The following USP6NL variants were observed in gnomAD, a reference collection of about 807,000 sequenced individuals.
The protein encoded by USP6NL is USP6 N-terminal like.
USP6NL carries 26 observed loss-of-function variants against 61.9 expected under a neutral mutation model. The ratio of observed to expected loss-of-function variants is 0.42; its 90% confidence interval spans 0.31 to 0.58. USP6NL has a LOEUF of 0.58. Ranked by LOEUF, USP6NL falls within the 20% of genes least tolerant of loss-of-function variation. The pLI, the probability that USP6NL is intolerant of heterozygous loss-of-function variation, is 0.16. For synonymous variants in USP6NL, 432 were observed against 390.1 expected (o/e 1.11, Z -1.27); for missense variants, 1,114 against 1,034.3 (o/e 1.08, Z -1.06).
chr10:11,544,591 A>T (rs1011877027), intron 2 of USP6NL, among the ~76,000 whole-genome samples: 1 of 151,714 alleles, frequency 6.6e-6, no homozygotes, highest in Non-Finnish European at 1.5e-5. Flanking sequence ...GGGTTCAAGC[A>T]ATTCTCCTGC....
At chr10:11,588,268 G>GTA (rs1469908841) in intron 2 of USP6NL, among the ~76,000 whole-genome samples, 6 of 152,232 alleles carry the variant, frequency 3.9e-5, no homozygotes, top group Non-Finnish European at 8.8e-5. Flanking sequence ...TACTGGAGGA[G>GTA]CAAAATGCTG....
rs1833263126 is a variant in USP6NL, at chr10:11,482,910, T to C, written c.926-988A>G. 6.6e-6 allele frequency among the ~76,000 whole-genome samples: 1 copy of C among 152,258 alleles called. No individual in the cohort carries two copies. ...TATATATCTGTGGTAGACAATGTTT[T>C]GATATATGTATACACTGTGGAATGA... is the stretch of plus-strand genomic sequence containing the variant. On this transcript the variant is annotated intron_variant, in intron 13 of 14. Coordinates refer to ENST00000609104, the MANE Select transcript of USP6NL (RefSeq NM_014688.5). This position sits in a 1 kb window ranked among gnomAD's most constrained non-coding sequence, Gnocchi z 4.0.
intron 2 of USP6NL, among the ~76,000 whole-genome samples, chr10:11,584,528 C>T (rs886664032): frequency 7.9e-5 from 12 of 152,188 alleles, no homozygotes; most frequent in Non-Finnish European, 1.6e-4. Context: ...ATCTTTGGTA[C>T]TTACTATTCT....
intron 1 of USP6NL, among the ~76,000 whole-genome samples, chr10:11,606,126 A>G (rs1200078993): frequency 6.6e-6 from 1 of 152,210 alleles, no homozygotes; most frequent in African/African-American, 2.4e-5. Flanking sequence ...AAAACCATAA[A>G]AACAGCCTGA....
At chr10:11,484,398 T>C (rs1410528572) in intron 13 of USP6NL, among the ~76,000 whole-genome samples, 1 of 89,678 alleles carries the variant, frequency 1.1e-5, no homozygotes, top group Non-Finnish European at 2.4e-5. Context: ...ATTCTCCAGT[T>C]TTTTTTTTTT....
chr10:11,509,793 G>A (rs1337482897), intron 5 of USP6NL, 118 bp from the exon 6 acceptor site: 20 of 779,472 alleles, frequency 2.6e-5, no homozygotes, highest in East Asian at 2.7e-5. Context: ...TATATTAGCA[G>A]ATATCCTAAC....
intron 14 of USP6NL, among the ~76,000 whole-genome samples, chr10:11,471,161 C>T (rs1241540815): frequency 2.6e-5 from 4 of 151,782 alleles, no homozygotes; most frequent in Non-Finnish European, 4.4e-5. Flanking sequence ...CCAGCCTGGG[C>T]GACAGAGTGA....
Position 11,518,535 on chromosome 10 carries a change from C to G in USP6NL, c.195G>C (p.Arg65=). The G allele has an allele frequency of 1.9e-6, 3 of 1,612,746 alleles. No homozygotes were observed. Among genetic ancestry groups the G allele is most frequent in the Non-Finnish European group, 2.5e-6 (3 of 1,179,240 alleles). The change falls in exon 5 of 15, where the codon CGG becomes CGC. Residue 65 remains arginine, a splice_region_variant and synonymous_variant. Transcript: ENST00000609104. This position sits in a 1 kb window ranked among gnomAD's most constrained non-coding sequence, Gnocchi z 5.3. ...ELPDHNVAVE[R]QKHLEIERTT... ...TAAATACATCAAGAGCAGGACTTAC[C>G]CGTTCCACAGCCACATTATGATCTG...
At chr10:11,546,880 C>T (rs748310314) in intron 2 of USP6NL, among the ~76,000 whole-genome samples, 85 of 152,126 alleles carry the variant, frequency 5.6e-4, no homozygotes, top group Non-Finnish European at 8.4e-4. Flanking sequence ...TATTGATATA[C>T]GCTTTAGAAA....
chr10:11,521,389 A>T (rs572905565), intron 4 of USP6NL, among the ~76,000 whole-genome samples: 3,590 of 131,542 alleles, frequency 0.027, 57 homozygotes, highest in Non-Finnish European at 0.039. Flanking sequence ...TTTTTTTTAA[A>T]TTTTTTTTTT....
intron 1 of USP6NL, among the ~76,000 whole-genome samples, chr10:11,606,912 T>G (rs1350143435): frequency 1.3e-5 from 2 of 151,848 alleles, no homozygotes; most frequent in Non-Finnish European, 2.9e-5. Context: ...TGCCTCAGCC[T>G]CCGAGTAGCT....
chr10:11,599,410 T>C (rs1296280434), intron 1 of USP6NL, among the ~76,000 whole-genome samples: 1 of 152,238 alleles, frequency 6.6e-6, no homozygotes, highest in Non-Finnish European at 1.5e-5. Flanking sequence ...CACTGCTTCC[T>C]GCCTCTAACC....
chr10:11,544,096 C>A (rs1836179472), intron 2 of USP6NL, among the ~76,000 whole-genome samples: 1 of 152,164 alleles, frequency 6.6e-6, no homozygotes. Context: ...CAGGCGTGAG[C>A]CACCATGCCC....
chr10:11,462,679 T>G lies in USP6NL; in HGVS notation c.2249A>C (p.Gln750Pro). 6.2e-7 allele frequency: 1 copy of G among 1,614,042 alleles called. No individual in the cohort carries two copies. The highest frequency in any genetic ancestry group is 2.2e-5 in the East Asian group (1 of 44,884). ...ACGGCTAGCATCTCGGGTCCATGAT[T>G]GTCCCTGCGTCTCAGGTCTGTATGT... ...SYTYRPETQGQSWTRDASRGN... is the reference protein window; with the variant it reads ...SYTYRPETQGPSWTRDASRGN... The change falls in exon 15 of 15, where the codon CAA (glutamine) becomes CCA (proline). Residue 750 changes from glutamine to proline, a missense_variant. Physicochemically the swap from Gln to Pro is moderately conservative, Grantham distance 76 (BLOSUM62 -1). Transcript: ENST00000609104.
chr10:11,551,069 A>G (rs562600680), intron 2 of USP6NL, among the ~76,000 whole-genome samples: 1 of 152,344 alleles, frequency 6.6e-6, no homozygotes, highest in African/African-American at 2.4e-5. Flanking sequence ...AAATGAGAGC[A>G]TGTGTCTTAT....
rs1323947293 is a variant in USP6NL, at chr10:11,496,015, T to G, written c.385-2787A>C. 1.3e-5 allele frequency among the ~76,000 whole-genome samples: 2 copies of G among 152,212 alleles called. No individual in the cohort carries two copies. Among genetic ancestry groups the G allele is most frequent in the Non-Finnish European group, 2.9e-5 (2 of 68,038 alleles). Reference sequence around the variant, plus strand: ...TCCCCCACAGAACGCTCTTCCAATCTCCTGTCAGGAAGACAAGCACCTGGC... The same window carrying G: ...TCCCCCACAGAACGCTCTTCCAATCGCCTGTCAGGAAGACAAGCACCTGGC... On this transcript the variant is annotated intron_variant, in intron 7 of 14. Coordinates refer to ENST00000609104, the MANE Select transcript of USP6NL (RefSeq NM_014688.5). The surrounding 1 kb of genome is among the most constrained non-coding windows in gnomAD (Gnocchi z 5.4).
At chr10:11,576,054 G>C (rs545370046) in intron 2 of USP6NL, among the ~76,000 whole-genome samples, 1 of 151,154 alleles carries the variant, frequency 6.6e-6, no homozygotes, top group Non-Finnish European at 1.5e-5. Flanking sequence ...AAATAGTTAC[G>C]GGTAAATACT....
chr10:11,473,182 A>G (rs531004775), intron 14 of USP6NL, among the ~76,000 whole-genome samples: 2 of 152,220 alleles, frequency 1.3e-5, no homozygotes, highest in African/African-American at 2.4e-5. Context: ...TTTTATAAAC[A>G]GTAGTTTTTT....
At position 11,574,734 on chromosome 10, in the gene USP6NL, A is replaced by T. The variant is rs1460014410; in HGVS notation, c.4+22897T>A. Among the ~76,000 whole-genome samples the T allele has an allele frequency of 6.6e-6, 1 of 152,208 alleles. No individual in the cohort carries two copies. Among genetic ancestry groups the T allele is most frequent in the African/African-American group, 2.4e-5 (1 of 41,446 alleles). On this transcript the variant is annotated intron_variant, in intron 2 of 14. Transcript: ENST00000609104. The surrounding 1 kb of genome is among the most constrained non-coding windows in gnomAD (Gnocchi z 4.3). ...TTTGACATTTTTAACATATCATAAA[A>T]TATTAGATCCCAGAGCAAATCAGAG...
Sources: gnomAD v4.1 joint callset for allele counts (sites outside exome capture counted in the v4.1 genomes callset) on GRCh38, gnomAD v4.1.1 for gene constraint, Gnocchi (gnomAD v3.1) non-coding constraint, MANE v1.5 for transcripts, NCBI Gene and HGNC (gene_info 2026-07-23, HGNC 2026-07-21) for gene names.